DAAM1: variants seen among roughly 807,000 people sequenced by gnomAD.
The protein encoded by DAAM1 is disheveled-associated activator of morphogenesis 1.
Under a neutral mutation model 130.0 loss-of-function variants are expected in DAAM1, and 52 were observed. The observed-to-expected ratio is 0.40, with a 90% CI of 0.32 to 0.50. The LOEUF (loss-of-function observed/expected upper bound fraction) is 0.50, where lower values mean the gene tolerates loss of function less well. DAAM1 is among the 20% of genes least tolerant of loss of function. DAAM1 has a pLI of 0.61. For missense variants in DAAM1, 1,134 were observed against 1,303.8 expected (o/e 0.87, Z 2.01); for synonymous variants, 452 against 444.5 (o/e 1.02, Z -0.21).
intron 16 of DAAM1, among the ~76,000 whole-genome samples, chr14:59,342,875 G>A (rs1012646729): frequency 3.3e-5 from 5 of 152,144 alleles, no homozygotes; most frequent in Non-Finnish European, 7.3e-5. Context: ...TCAAGGAGGC[G>A]TGCAGCAGCA....
intron 2 of DAAM1, 88 bp from the exon 3 acceptor site, chr14:59,291,129 T>G: frequency 9.2e-7 from 1 of 1,091,116 alleles, no homozygotes; most frequent in East Asian, 2.8e-5. Context: ...TGTGTTTTTG[T>G]TTTTTTTCTT....
chr14:59,366,699 T>C (rs1886929881), intron 23 of DAAM1, among the ~76,000 whole-genome samples: 1 of 152,170 alleles, frequency 6.6e-6, no homozygotes. Flanking sequence ...TTAGAAATGA[T>C]TAATAGACAT....
intron 12 of DAAM1, among the ~76,000 whole-genome samples, chr14:59,329,985 C>T (rs546944639): frequency 6.6e-6 from 1 of 152,196 alleles, no homozygotes; most frequent in Non-Finnish European, 1.5e-5. Context: ...TGGGGACAAA[C>T]CCTGGGTCTG....
chr14:59,286,221 A>T (rs1453683565), intron 2 of DAAM1, among the ~76,000 whole-genome samples: 1 of 152,084 alleles, frequency 6.6e-6, no homozygotes, highest in African/African-American at 2.4e-5. Context: ...TTTTTTTTTA[A>T]ATCCTTGAAA....
chr14:59,225,047 G>C (rs1175961677), intron 1 of DAAM1, among the ~76,000 whole-genome samples: 1 of 13,120 alleles, frequency 7.6e-5, no homozygotes, highest in Non-Finnish European at 1.4e-4. Flanking sequence ...TTTTTTTTTT[G>C]AGACGGAGTC....
At chr14:59,334,511 A>C (rs1885552186) in intron 15 of DAAM1, among the ~76,000 whole-genome samples, 1 of 152,154 alleles carries the variant, frequency 6.6e-6, no homozygotes, top group Non-Finnish European at 1.5e-5. Flanking sequence ...TTGGCTAGAT[A>C]CAATTCTCAG....
chr14:59,348,147 C>G (rs1294973874), intron 17 of DAAM1, among the ~76,000 whole-genome samples: 4 of 152,188 alleles, frequency 2.6e-5, no homozygotes, highest in Non-Finnish European at 5.9e-5. Context: ...AAGTCTTAAC[C>G]TCCGTACATT....
intron 1 of DAAM1, among the ~76,000 whole-genome samples, chr14:59,230,235 A>C (rs1413262508): frequency 6.6e-5 from 10 of 151,532 alleles, no homozygotes; most frequent in Non-Finnish European, 1.5e-4. Flanking sequence ...TGGAAGTCTG[A>C]TTGGGGCAGC....
At chr14:59,299,147 A>G (rs1189552796) in intron 3 of DAAM1, among the ~76,000 whole-genome samples, 3 of 152,212 alleles carry the variant, frequency 2.0e-5, no homozygotes, top group African/African-American at 7.2e-5. Context: ...ATCTGCATGT[A>G]GCTTTCCTGA....
chr14:59,211,192 A>G (rs995254501), intron 1 of DAAM1, among the ~76,000 whole-genome samples: 3 of 152,212 alleles, frequency 2.0e-5, no homozygotes, highest in Non-Finnish European at 4.4e-5. Flanking sequence ...TTCATGTTTA[A>G]AATTTTAGAT....
Position 59,331,230 on chromosome 14 carries a change from C to T in DAAM1, c.1582C>T (p.Pro528Ser). ...TCAGAGGGCCGTCTGTGCTTCAATC[C>T]CAGGTGGACCCTCGCCTGGAGCACC... ...LSRRAVCASI[P>S]GGPSPGAPGG... Residue 528 changes from proline (P) to serine (S), a missense_variant, in exon 14 of 25, where the codon CCA becomes TCA. Pro to Ser is a moderately conservative substitution (Grantham distance 74). Coordinates refer to ENST00000360909, the MANE Select transcript of DAAM1 (RefSeq NM_001270520.2). 6.2e-7 allele frequency: 1 copy of T among 1,612,826 alleles called. No individual in the cohort carries two copies. The highest frequency in any genetic ancestry group is 8.5e-7 in the Non-Finnish European group (1 of 1,179,930).
chr14:59,349,413 G>A (rs992625786), intron 17 of DAAM1, among the ~76,000 whole-genome samples: 1 of 152,276 alleles, frequency 6.6e-6, no homozygotes, highest in Non-Finnish European at 1.5e-5. Flanking sequence ...GTCTACTGAA[G>A]CAGAATCTGG....
At chr14:59,235,347 C>T (rs1460863744) in intron 1 of DAAM1, among the ~76,000 whole-genome samples, 2 of 152,028 alleles carry the variant, frequency 1.3e-5, no homozygotes, top group Non-Finnish European at 2.9e-5. Context: ...TTCAGGGATT[C>T]GACTTCTTCC....
At chr14:59,321,420 G>C (rs1885005162) in intron 5 of DAAM1, among the ~76,000 whole-genome samples, 1 of 152,174 alleles carries the variant, frequency 6.6e-6, no homozygotes, top group Non-Finnish European at 1.5e-5. Flanking sequence ...CACTTTAAAA[G>C]GGTGAATTTT....
At chr14:59,235,941 G>A (rs186430274) in intron 1 of DAAM1, among the ~76,000 whole-genome samples, 95 of 152,126 alleles carry the variant, frequency 6.2e-4, no homozygotes, top group Non-Finnish European at 8.4e-4. Context: ...ACCTCACTTC[G>A]TCAAATGAAT....
chr14:59,357,382 G>A (rs1353191285), intron 20 of DAAM1: 1 of 151,962 alleles, frequency 6.6e-6, no homozygotes. Flanking sequence ...GAAAAAAATA[G>A]CCTCACTCTT....
intron 16 of DAAM1, among the ~76,000 whole-genome samples, chr14:59,344,113 T>C (rs563160599): frequency 5.3e-5 from 8 of 152,326 alleles, no homozygotes; most frequent in African/African-American, 1.4e-4. Context: ...TGAACCCACC[T>C]GAAACACAGT....
Position 59,263,851 on chromosome 14 carries a change from A to G in DAAM1, c.183+191A>G, listed in dbSNP as rs575496017. On this transcript the variant is annotated intron_variant, in intron 2 of 24. Coordinates refer to ENST00000360909, the MANE Select transcript of DAAM1 (RefSeq NM_001270520.2). ...GAAGGAAGAGTTAGAAGAGGGTAGT[A>G]TTACTACATCCAAGTGCTTTGCTTG... The G allele has an allele frequency of 1.5e-5, 10 of 689,402 alleles. No individual in the cohort carries two copies. The East Asian group carries it at 2.5e-4, about 17-fold the overall frequency. 42.7% of individuals were successfully genotyped at this position (689,402 alleles called of 1,614,324 possible).
Position 59,198,526 on chromosome 14 carries a change from GC to G in DAAM1, c.-38+9762del, listed in dbSNP as rs200884175. Among the ~76,000 whole-genome samples the G allele has an allele frequency of 1.5e-3, 233 of 151,990 alleles. 5 individuals carry two copies. The East Asian group carries it at 0.034, about 22-fold the overall frequency. On this transcript the variant is annotated intron_variant, in intron 1 of 24. Transcript: ENST00000360909. ...TTACAGGCATGAGCCACCGTGCCTG[GC>G]CCCATTTGCTGATTTGCCTTTCTTC...
Sources: gnomAD v4.1 joint callset for allele counts (sites outside exome capture counted in the v4.1 genomes callset) on GRCh38, gnomAD v4.1.1 for gene constraint, MANE v1.5 for transcripts, NCBI Gene and HGNC (gene_info 2026-07-23, HGNC 2026-07-21) for gene names.